Variants in GGT7 observed in about 807,000 individuals in gnomAD.
GGT7 encodes the protein gamma-glutamyltransferase 7.
In GGT7, 30 loss-of-function variants were observed where a neutral mutation model predicts 69.2. That is an observed-to-expected ratio of 0.43 (90% CI 0.32 to 0.59). The LOEUF is 0.59. GGT7 is among the 20% of genes least tolerant of loss of function. The pLI, the probability that GGT7 is intolerant of heterozygous loss-of-function variation, is 0.05. For synonymous variants in GGT7, 388 were observed against 391.8 expected (o/e 0.99, Z 0.12); for missense variants, 733 against 901.1 (o/e 0.81, Z 2.39).
chr20:34,868,646 T>C (rs529542752), intron 1 of GGT7, among the ~76,000 whole-genome samples: 1 of 152,276 alleles, frequency 6.6e-6, no homozygotes, highest in East Asian at 1.9e-4. Context: ...CCAAAGTATA[T>C]AACTCAGACT....
chr20:34,863,782 C>T lies in GGT7; in HGVS notation c.170-234G>A, dbSNP rs561419901. 1.2e-3 allele frequency: 846 copies of T among 704,484 alleles called. 11 individuals are homozygous for T. In the Admixed American group the frequency reaches 0.014, roughly 12 times the overall value. The allele number at this position is 704,484 out of a possible 1,614,324, so 43.6% of individuals were successfully genotyped here. A position where few individuals can be genotyped will look rare whatever the true frequency, so the allele number is the denominator to read the frequency against. ...CTGGGCAGCAGGGAGGCTGGATTCC[C>T]GCCCCTCCCTGATACCTAGGCCAAA... On this transcript the variant is annotated intron_variant, in intron 1 of 14. Coordinates refer to ENST00000336431, the MANE Select transcript of GGT7 (RefSeq NM_178026.3). This position sits in a 1 kb window ranked among gnomAD's most constrained non-coding sequence, Gnocchi z 4.4.
intron 6 of GGT7, 28 bp from the exon 7 acceptor site, chr20:34,859,667 G>C: frequency 1.3e-6 from 2 of 1,541,630 alleles, no homozygotes; most frequent in South Asian, 2.4e-5. Context: ...AGGCTGGGCA[G>C]GGCGGGACGC....
At chr20:34,851,422 G>A (rs1601219261) in intron 12 of GGT7, 54 bp from the exon 13 acceptor site, 1 of 1,546,444 alleles carries the variant, frequency 6.5e-7, no homozygotes, top group East Asian at 2.3e-5. Flanking sequence ...ACAAGACCGG[G>A]AAAGGGCCCC....
chr20:34,872,345 C>T lies in GGT7; in HGVS notation c.169+302G>A, dbSNP rs114995895. On this transcript the variant is annotated intron_variant, in intron 1 of 14. Coordinates refer to ENST00000336431, the MANE Select transcript of GGT7 (RefSeq NM_178026.3). ...AAAGCCCTCTTCTGGGTGATCACAGCGGTTCCTTAGGATCTCCCCTTCAAC... is the reference window on the plus strand; with the variant it reads ...AAAGCCCTCTTCTGGGTGATCACAGTGGTTCCTTAGGATCTCCCCTTCAAC... 2.8e-3 allele frequency: 701 copies of T among 252,422 alleles called. 3 individuals are homozygous for T. The highest frequency in any genetic ancestry group is 0.015 in the African/African-American group (658 of 45,160). The allele number at this position is 252,422 out of a possible 1,614,324, so 15.6% of individuals were successfully genotyped here.
intron 8 of GGT7, among the ~76,000 whole-genome samples, chr20:34,855,518 C>T (rs886591946): frequency 3.3e-5 from 5 of 152,208 alleles, no homozygotes; most frequent in Admixed American, 1.3e-4. Context: ...GAATCCAGAG[C>T]ACTCAAGGTA....
At chr20:34,859,298 C>A (rs565978136) in intron 7 of GGT7, 145 bp downstream of exon 7, 354 of 590,042 alleles carry the variant, frequency 6.0e-4, no homozygotes, top group Middle Eastern at 8.9e-4. Context: ...TTTGACTATT[C>A]TAGAATTTCA....
intron 13 of GGT7, 40 bp from the exon 14 acceptor site, chr20:34,850,100 G>C (rs1180827086): frequency 4.5e-6 from 6 of 1,342,906 alleles, no homozygotes; most frequent in Non-Finnish European, 6.4e-6. Flanking sequence ...GGCTGTCCCA[G>C]GGGTGATGGT....
At chr20:34,859,387 T>C in intron 7 of GGT7, 56 bp downstream of exon 7, 2 of 1,367,758 alleles carry the variant, frequency 1.5e-6, no homozygotes, top group Non-Finnish European at 2.0e-6. Context: ...CGGACGCGGA[T>C]GTCCTGCAAT....
chr20:34,851,178 A>G (rs2079384064), intron 13 of GGT7, 53 bp downstream of exon 13: 2 of 1,602,774 alleles, frequency 1.2e-6, no homozygotes, highest in East Asian at 4.5e-5. Context: ...TCTGCAGTCT[A>G]GGCCACAGCT....
At chr20:34,868,254 C>A (rs1191008628) in intron 1 of GGT7, among the ~76,000 whole-genome samples, 1 of 152,210 alleles carries the variant, frequency 6.6e-6, no homozygotes, top group Non-Finnish European at 1.5e-5. Flanking sequence ...ATTCAAGACT[C>A]TCTACTCCAC....
At position 34,859,597 on chromosome 20, in the gene GGT7, C is replaced by A; in HGVS notation, c.860G>T (p.Arg287Leu). ...CGATGGCAGGAACGTCTCCCGGAAG[C>A]GCTCGGACATGTTGGGTGGCAGCTG... ...AEQLPPNMSE[R>L]FRETFLPSGR... Residue 287 changes from arginine (R) to leucine (L), a missense_variant, in exon 7 of 15, where the codon CGC becomes CTC. Physicochemically the swap from Arg to Leu is moderately radical, Grantham distance 102. Coordinates refer to ENST00000336431, the MANE Select transcript of GGT7 (RefSeq NM_178026.3). The A allele has an allele frequency of 6.2e-7, 1 of 1,602,018 alleles. No homozygotes were observed. Among genetic ancestry groups the A allele is most frequent in the Non-Finnish European group, 8.5e-7 (1 of 1,174,312 alleles).
chr20:34,861,316 C>G (rs1253328088), intron 4 of GGT7, 129 bp downstream of exon 4: 2 of 476,250 alleles, frequency 4.2e-6, no homozygotes, highest in African/African-American at 3.9e-5. Context: ...TCTCTCATAG[C>G]CTAAGAGAAT....
chr20:34,845,078 C>T lies in GGT7; in HGVS notation c.*250G>A, dbSNP rs923618505. 1 of 537,624 alleles carries T rather than the reference C, an allele frequency of 1.9e-6. No homozygotes were observed. Among genetic ancestry groups the T allele is most frequent in the African/African-American group, 1.9e-5 (1 of 52,540 alleles). The allele number at this position is 537,624 out of a possible 1,614,324, so 33.3% of individuals were successfully genotyped here. A position where few individuals can be genotyped will look rare whatever the true frequency, so the allele number is the denominator to read the frequency against. ...GACAGATAGTCTGATTCCTCAAGGT[C>T]CTGCCTGCCTGGCTGTACTGTAGAT... is the stretch of plus-strand genomic sequence containing the variant. On this transcript the variant is annotated 3_prime_UTR_variant, in exon 15 of 15. Coordinates refer to ENST00000336431, the MANE Select transcript of GGT7 (RefSeq NM_178026.3).
chr20:34,859,920 C>G, intron 6 of GGT7, 49 bp downstream of exon 6: 1 of 1,272,800 alleles, frequency 7.9e-7, no homozygotes, highest in Non-Finnish European at 1.1e-6. Flanking sequence ...AAGATTCTAC[C>G]CTTCTCCATC....
chr20:34,867,924 C>T (rs558272528), intron 1 of GGT7, among the ~76,000 whole-genome samples: 2 of 152,288 alleles, frequency 1.3e-5, no homozygotes, highest in Admixed American at 6.5e-5. Flanking sequence ...AATGCAGTGG[C>T]GCAATCTCGG....
intron 8 of GGT7, among the ~76,000 whole-genome samples, 153 bp downstream of exon 8, chr20:34,856,653 C>T (rs1391369111): frequency 6.6e-6 from 1 of 152,176 alleles, no homozygotes; most frequent in Non-Finnish European, 1.5e-5. Flanking sequence ...GGTGGGCTGA[C>T]TCTGGTTTGC....
intron 3 of GGT7, among the ~76,000 whole-genome samples, chr20:34,862,432 G>A (rs567169714): frequency 2.0e-4 from 31 of 152,164 alleles, no homozygotes; most frequent in Admixed American, 1.7e-3. Flanking sequence ...TTAGTGCAGG[G>A]TGTATTTTTG....
chr20:34,850,934 T>C, intron 13 of GGT7: 1 of 668,740 alleles, frequency 1.5e-6, no homozygotes, highest in Non-Finnish European at 2.8e-6. Context: ...AGAGGTATAA[T>C]GGGACTTGAG....
intron 7 of GGT7, 107 bp downstream of exon 7, chr20:34,859,336 T>C (rs1419970785): frequency 4.0e-6 from 3 of 753,498 alleles, no homozygotes; most frequent in Non-Finnish European, 6.2e-6. Flanking sequence ...GTAAATAATA[T>C]AGAAAGAAAG....
Sources: gnomAD v4.1 joint callset for allele counts (sites outside exome capture counted in the v4.1 genomes callset) on GRCh38, gnomAD v4.1.1 for gene constraint, Gnocchi (gnomAD v3.1) non-coding constraint, MANE v1.5 for transcripts, NCBI Gene and HGNC (gene_info 2026-07-23, HGNC 2026-07-21) for gene names.